SLC39A11: variants seen among roughly 807,000 people sequenced by gnomAD.
The protein encoded by SLC39A11 is zinc transporter ZIP11.
A neutral mutation model predicts 36.1 loss-of-function variants in SLC39A11; 33 were observed. The ratio of observed to expected loss-of-function variants is 0.91; its 90% CI spans 0.69 to 1.22. The LOEUF is 1.22. Among genes scored for constraint, SLC39A11 ranks in the 50% most tolerant of loss-of-function variants. SLC39A11 has a pLI of 0.00. For synonymous variants in SLC39A11, 166 were observed against 170.3 expected (o/e 0.97, Z 0.20); for missense variants, 432 against 430.3 (o/e 1.00, Z -0.03).
chr17:72,783,714 T>A (rs2076400334), intron 6 of SLC39A11, among the ~76,000 whole-genome samples: 1 of 151,834 alleles, frequency 6.6e-6, no homozygotes. Context: ...CAGATCTACA[T>A]CAGCTTCTAA....
intron 2 of SLC39A11, among the ~76,000 whole-genome samples, chr17:73,087,073 C>A (rs899760581): frequency 2.0e-4 from 31 of 151,368 alleles, no homozygotes; most frequent in Admixed American, 5.9e-4. Context: ...AAAAAACAAA[C>A]AAAAACAAAA....
chr17:72,658,952 C>A (rs1360477034), intron 7 of SLC39A11, among the ~76,000 whole-genome samples: 1 of 152,150 alleles, frequency 6.6e-6, no homozygotes, highest in East Asian at 1.9e-4. Context: ...ACTGAAGCCT[C>A]CTATTCCCCC....
At chr17:72,788,216 C>A (rs2076582172) in intron 6 of SLC39A11, among the ~76,000 whole-genome samples, 1 of 152,176 alleles carries the variant, frequency 6.6e-6, no homozygotes, top group Admixed American at 6.5e-5. Context: ...CATCCTGGAC[C>A]CCTCGACCAG....
At chr17:72,945,526 G>C (rs1207848432) in intron 5 of SLC39A11, among the ~76,000 whole-genome samples, 2 of 152,194 alleles carry the variant, frequency 1.3e-5, no homozygotes, top group African/African-American at 4.8e-5. Context: ...TCAGGTGCCT[G>C]ACACCCACAG....
intron 5 of SLC39A11, among the ~76,000 whole-genome samples, chr17:72,906,804 T>C (rs1172734583): frequency 6.6e-6 from 1 of 152,210 alleles, no homozygotes; most frequent in African/African-American, 2.4e-5. Context: ...ATCACTATGA[T>C]GTGTCTTATC....
rs182834802 is a variant in SLC39A11 at position 72,871,487 on chromosome 17, C to T, written c.431-21683G>A. Reference sequence around the variant, plus strand: ...ATGAGATTAGAGAGTTGAATTTGGGCCCCACACCCAAACCTGGCCTCTGGG... The same window carrying T: ...ATGAGATTAGAGAGTTGAATTTGGGTCCCACACCCAAACCTGGCCTCTGGG... On this transcript the variant is annotated intron_variant, in intron 5 of 9. Transcript: ENST00000255559. Among the ~76,000 whole-genome samples, 652 of 152,216 alleles carry T rather than the reference C, an allele frequency of 4.3e-3. 5 individuals are homozygous for T. Among genetic ancestry groups the T allele is most frequent in the African/African-American group, 0.015 (623 of 41,522 alleles).
intron 5 of SLC39A11, among the ~76,000 whole-genome samples, chr17:72,898,424 C>T (rs1598328869): frequency 6.6e-6 from 1 of 152,204 alleles, no homozygotes; most frequent in Admixed American, 6.5e-5. Flanking sequence ...AGAACAGCCC[C>T]CAGCTGGTCC....
At position 72,931,230 on chromosome 17, in the gene SLC39A11, A is replaced by G. The variant is rs187693945; in HGVS notation, c.430+16522T>C. 2.5e-3 allele frequency among the ~76,000 whole-genome samples: 374 copies of G among 152,304 alleles called. 2 individuals carry two copies. Among genetic ancestry groups the G allele is most frequent in the Non-Finnish European group, 3.8e-3 (257 of 68,016 alleles). ...AGAGACCAAGAGAAATGGAGAGAGC[A>G]AGAAAAAAGACAAGACGAGATGAAA... On this transcript the variant is annotated intron_variant, in intron 5 of 9. Coordinates refer to ENST00000255559, the MANE Select transcript of SLC39A11 (RefSeq NM_139177.4).
chr17:72,717,658 C>T (rs973486919), intron 7 of SLC39A11, among the ~76,000 whole-genome samples: 10 of 152,218 alleles, frequency 6.6e-5, no homozygotes, highest in Non-Finnish European at 1.3e-4. Flanking sequence ...TAATCCAGTA[C>T]GAGCTGATCT....
chr17:73,003,091 G>A (rs1211943486), intron 4 of SLC39A11, among the ~76,000 whole-genome samples: 19 of 152,218 alleles, frequency 1.2e-4, no homozygotes, highest in Admixed American at 1.2e-3. Context: ...GAGTATCTCT[G>A]ATGGCCCTTA....
intron 7 of SLC39A11, among the ~76,000 whole-genome samples, chr17:72,668,755 GC>G (rs1367595866): frequency 6.6e-6 from 1 of 152,196 alleles, no homozygotes; most frequent in Non-Finnish European, 1.5e-5. Flanking sequence ...AGTGTTCAGA[GC>G]CCATCAACTC....
In SLC39A11 at chr17:72,934,779, T is replaced by C. The variant is rs1047967962; in HGVS notation, c.430+12973A>G. On this transcript the variant is annotated intron_variant, in intron 5 of 9. Transcript: ENST00000255559. Reference sequence around the variant, plus strand: ...GATGGCAAATGAGCACATGAAAAGATGCTCGACATCATTAGTCATTAGGGA... The same window carrying C: ...GATGGCAAATGAGCACATGAAAAGACGCTCGACATCATTAGTCATTAGGGA... Among the ~76,000 whole-genome samples the C allele has an allele frequency of 2.0e-5, 3 of 152,320 alleles. 1 individual carries two copies. In the South Asian group the frequency reaches 6.2e-4, roughly 32 times the overall value.
intron 7 of SLC39A11, among the ~76,000 whole-genome samples, chr17:72,707,225 C>A (rs1225882346): frequency 6.6e-6 from 1 of 152,066 alleles, no homozygotes; most frequent in Non-Finnish European, 1.5e-5. Context: ...CATAGGAAGA[C>A]CCCCATTGCT....
rs139696683 is a variant in SLC39A11 at position 73,019,907 on chromosome 17, G to A, written c.306+11649C>T. On this transcript the variant is annotated intron_variant, in intron 4 of 9. Coordinates refer to ENST00000255559, the MANE Select transcript of SLC39A11 (RefSeq NM_139177.4). The stretch of plus-strand genomic sequence containing the variant: ...AAGACTCAGGTAAAGGTACAGAAAT[G>A]GAAGAAGATATACCAAGGAAACACT... 2.0e-3 allele frequency among the ~76,000 whole-genome samples: 308 copies of A among 152,246 alleles called. 2 individuals carry two copies. Among genetic ancestry groups the A allele is most frequent in the African/African-American group, 7.1e-3 (296 of 41,564 alleles).
chr17:72,948,277 T>C (rs755816340), intron 4 of SLC39A11, among the ~76,000 whole-genome samples: 1,093 of 9,452 alleles, frequency 0.12, 3 homozygotes, highest in Admixed American at 0.2. Context: ...GCCGCACACA[T>C]ACCAAACCCC....
At chr17:72,801,943 A>G (rs1041384674) in intron 6 of SLC39A11, among the ~76,000 whole-genome samples, 6 of 152,234 alleles carry the variant, frequency 3.9e-5, no homozygotes, top group Non-Finnish European at 7.3e-5. Context: ...GTTGCAGTAC[A>G]TTTAGACTAA....
intron 7 of SLC39A11, among the ~76,000 whole-genome samples, chr17:72,685,804 C>T (rs957520740): frequency 5.9e-5 from 9 of 152,120 alleles, no homozygotes; most frequent in African/African-American, 1.2e-4. Context: ...TTTGGGAGGC[C>T]GAGGTGGGAG....
intron 6 of SLC39A11, among the ~76,000 whole-genome samples, chr17:72,812,925 C>T (rs1234177393): frequency 2.8e-5 from 4 of 143,982 alleles, no homozygotes; most frequent in Non-Finnish European, 4.5e-5. Context: ...CCTACACAGT[C>T]CGATGAACAA....
At chr17:73,078,687 G>C (rs1042412941) in intron 3 of SLC39A11, among the ~76,000 whole-genome samples, 1 of 151,850 alleles carries the variant, frequency 6.6e-6, no homozygotes, top group Non-Finnish European at 1.5e-5. Flanking sequence ...AATAGAGACG[G>C]GGTTTCGCCA....
Sources: allele counts gnomAD v4.1 joint callset (sites outside exome capture counted in the v4.1 genomes callset), GRCh38; gene constraint gnomAD v4.1.1; transcripts MANE v1.5; gene names NCBI Gene and HGNC (gene_info 2026-07-23, HGNC 2026-07-21).